Variants in EFCAB5 observed in about 807,000 individuals in gnomAD.
EFCAB5 encodes the protein EF-hand calcium binding domain 5.
A neutral mutation model predicts 167.9 loss-of-function variants in EFCAB5; 131 were observed. The observed-to-expected ratio is 0.78, with a 90% CI of 0.68 to 0.90. The LOEUF is 0.90. Among genes scored for constraint, EFCAB5 ranks in the 40% least tolerant of loss-of-function variants. The pLI, the probability that EFCAB5 is intolerant of heterozygous loss-of-function variation, is 0.00. For missense variants in EFCAB5, 1,663 were observed against 1,745.2 expected (o/e 0.95, Z 0.84); for synonymous variants, 574 against 602.8 (o/e 0.95, Z 0.70).
intron 4 of EFCAB5, 26 bp downstream of exon 4, chr17:29,969,393 A>G: frequency 6.6e-7 from 1 of 1,515,646 alleles, no homozygotes; most frequent in Non-Finnish European, 8.8e-7. Flanking sequence ...GTTTCAGTTC[A>G]TGATCTGTCT....
chr17:29,975,100 A>G (rs1404032987), intron 4 of EFCAB5, among the ~76,000 whole-genome samples: 1 of 152,050 alleles, frequency 6.6e-6, no homozygotes, highest in Non-Finnish European at 1.5e-5. Flanking sequence ...ACAACCCCTC[A>G]GCTTTTGAGC....
At chr17:29,946,199 A>G (rs2067393258) in intron 3 of EFCAB5, among the ~76,000 whole-genome samples, 1 of 152,182 alleles carries the variant, frequency 6.6e-6, no homozygotes, top group Non-Finnish European at 1.5e-5. Context: ...TCAAAAGAAT[A>G]TATACAAATG....
chr17:30,055,534 T>A (rs1018667107), intron 10 of EFCAB5, among the ~76,000 whole-genome samples: 3 of 152,162 alleles, frequency 2.0e-5, no homozygotes, highest in Non-Finnish European at 2.9e-5. Context: ...ACTGCAGAAG[T>A]ATATGTACTA....
intron 3 of EFCAB5, among the ~76,000 whole-genome samples, chr17:29,955,764 A>T (rs1555548719): frequency 6.6e-6 from 1 of 151,704 alleles, no homozygotes. Flanking sequence ...ATTCAATAAA[A>T]TTCCTGTTAA....
chr17:29,994,691 G>A (rs1354414528), intron 5 of EFCAB5, among the ~76,000 whole-genome samples: 9 of 152,304 alleles, frequency 5.9e-5, no homozygotes, highest in South Asian at 2.1e-4. Flanking sequence ...CAGAAGGATC[G>A]CTTGTGCCCA....
In EFCAB5 at chr17:30,068,559, G is replaced by T; in HGVS notation, c.2737+8858G>T. 3.7e-6 allele frequency: 3 copies of T among 811,250 alleles called. No individual in the cohort carries two copies. The South Asian group carries it at 6.0e-5, about 16-fold the overall frequency. 50.3% of individuals were successfully genotyped at this position (811,250 alleles called of 1,614,324 possible). A position where few individuals can be genotyped will look rare whatever the true frequency, so the allele number is the denominator to read the frequency against. On this transcript the variant is annotated intron_variant, in intron 14 of 22. Transcript: ENST00000394835. ...TTGGAAGAATTAATATTGTGAAAAT[G>T]ACCATACTACCGCTGTCACCAGCTG...
At chr17:30,045,810 G>T (rs1170523036) in intron 8 of EFCAB5, among the ~76,000 whole-genome samples, 1 of 150,930 alleles carries the variant, frequency 6.6e-6, no homozygotes, top group Admixed American at 6.6e-5. Flanking sequence ...GACCTGCCTG[G>T]GCAACATAGT....
intron 12 of EFCAB5, 61 bp downstream of exon 12, chr17:30,056,217 G>C: frequency 6.9e-7 from 1 of 1,439,242 alleles, no homozygotes; most frequent in Non-Finnish European, 9.5e-7. Context: ...TTAATTTACT[G>C]TGGTACTCGA....
chr17:29,975,052 A>T (rs1258163982), intron 4 of EFCAB5, among the ~76,000 whole-genome samples: 1 of 151,696 alleles, frequency 6.6e-6, no homozygotes, highest in African/African-American at 2.4e-5. Flanking sequence ...ATAAATAAAT[A>T]AAATAATAAA....
Position 30,098,551 on chromosome 17 carries a change from A to AAT in EFCAB5, c.4321+5615_4321+5616insAT, listed in dbSNP as rs1297261884. 2.0e-5 allele frequency among the ~76,000 whole-genome samples: 3 copies of AAT among 150,184 alleles called. No homozygotes were observed. The South Asian group carries it at 6.3e-4, about 31-fold the overall frequency. On this transcript the variant is annotated intron_variant, in intron 22 of 22. Coordinates refer to ENST00000394835, the MANE Select transcript of EFCAB5 (RefSeq NM_198529.4). ...TGTCTACAGAGAAAAAAAAAAAAAA[A>AAT]CTCCTGGGCTTAAGCTGTCCTTCCA... is the stretch of plus-strand genomic sequence containing the variant.
intron 14 of EFCAB5, chr17:30,069,063 G>T (rs920137603): frequency 5.7e-6 from 8 of 1,412,802 alleles, no homozygotes; most frequent in African/African-American, 2.8e-5. Flanking sequence ...TAAAAAAAGT[G>T]TGTAAACTTT....
intron 22 of EFCAB5, among the ~76,000 whole-genome samples, chr17:30,095,834 T>A (rs1480048737): frequency 6.6e-6 from 1 of 152,232 alleles, no homozygotes; most frequent in Non-Finnish European, 1.5e-5. Flanking sequence ...TGGATTCAAT[T>A]ACAGTTCTCT....
chr17:30,042,239 C>T (rs946670246), intron 8 of EFCAB5, among the ~76,000 whole-genome samples: 11 of 152,116 alleles, frequency 7.2e-5, no homozygotes, highest in Admixed American at 4.6e-4. Context: ...GAACTCCTGA[C>T]CTCAGGTGAC....
chr17:30,007,953 A>G (rs970650106), intron 7 of EFCAB5, among the ~76,000 whole-genome samples: 13 of 152,010 alleles, frequency 8.6e-5, no homozygotes, highest in Admixed American at 6.6e-5. Context: ...GCACCACTGC[A>G]CTCTGGGCAA....
intron 7 of EFCAB5, among the ~76,000 whole-genome samples, chr17:30,001,704 G>A (rs764984217): frequency 6.6e-6 from 1 of 152,114 alleles, no homozygotes; most frequent in Non-Finnish European, 1.5e-5. Context: ...GCATAAAAAT[G>A]TAAAGAAGTA....
intron 13 of EFCAB5, 91 bp downstream of exon 13, chr17:30,057,981 A>G (rs2070322099): frequency 1.8e-6 from 2 of 1,141,344 alleles, no homozygotes; most frequent in East Asian, 2.4e-5. Flanking sequence ...GCTCGTGTTA[A>G]AAAATGTACA....
At chr17:30,030,797 G>A (rs2069461341) in intron 7 of EFCAB5, among the ~76,000 whole-genome samples, 1 of 151,898 alleles carries the variant, frequency 6.6e-6, no homozygotes, top group Non-Finnish European at 1.5e-5. Context: ...GGGACTACAA[G>A]CGTGCACCAC....
At chr17:30,053,226 T>A (rs2070150355) in intron 9 of EFCAB5, 29 bp from the exon 10 acceptor site, 2 of 1,557,280 alleles carry the variant, frequency 1.3e-6, no homozygotes, top group Non-Finnish European at 1.7e-6. Context: ...GATCAATGGT[T>A]TAAGTGAATA....
intron 4 of EFCAB5, among the ~76,000 whole-genome samples, chr17:29,972,059 A>G (rs1335063414): frequency 1.3e-5 from 2 of 151,554 alleles, no homozygotes; most frequent in Non-Finnish European, 2.9e-5. Flanking sequence ...TTTTTTTTAA[A>G]TGGAGTCTCG....
Sources: allele counts gnomAD v4.1 joint callset (sites outside exome capture counted in the v4.1 genomes callset), GRCh38; gene constraint gnomAD v4.1.1; transcripts MANE v1.5; gene names NCBI Gene and HGNC (gene_info 2026-07-23, HGNC 2026-07-21).